RBFOX1: variants seen among roughly 807,000 people sequenced by gnomAD.
RBFOX1 encodes the protein RNA binding protein fox-1 homolog 1.
A neutral mutation model predicts 57.7 loss-of-function variants in RBFOX1; 8 were observed. That is an observed-to-expected ratio of 0.14 (90% CI 0.08 to 0.25). The LOEUF is 0.25. RBFOX1 is among the 10% of genes least tolerant of loss of function. The pLI, the probability that RBFOX1 is intolerant of heterozygous loss-of-function variation, is 1.00. For synonymous variants in RBFOX1, 326 were observed against 222.4 expected (o/e 1.47, Z -4.15); for missense variants, 611 against 548.5 (o/e 1.11, Z -1.14).
intron 3 of RBFOX1, among the ~76,000 whole-genome samples, chr16:5,846,168 T>G (rs1334464721): frequency 6.9e-6 from 1 of 145,462 alleles, no homozygotes; most frequent in African/African-American, 2.6e-5. Flanking sequence ...GGCGACAGAG[T>G]GAGGCACTGT....
At chr16:6,018,931 G>T (rs1207066393), upstream of RBFOX1, among the ~76,000 whole-genome samples, 1 of 151,820 alleles carries the variant, frequency 6.6e-6, no homozygotes, top group Non-Finnish European at 1.5e-5. Context: ...CGTGTCCGCC[G>T]CCGCCGCCCG....
intron 3 of RBFOX1, among the ~76,000 whole-genome samples, chr16:6,985,693 G>T (rs1312964909): frequency 6.6e-6 from 1 of 151,912 alleles, no homozygotes; most frequent in Non-Finnish European, 1.5e-5. Context: ...AATTAGCCAG[G>T]CATGGTGTCA....
At chr16:7,344,034 A>C (rs1163675059) in intron 4 of RBFOX1, among the ~76,000 whole-genome samples, 3 of 151,866 alleles carry the variant, frequency 2.0e-5, no homozygotes, top group Non-Finnish European at 2.9e-5. Context: ...TAGGGAAGCC[A>C]ATACCTTCTA....
intron 1 of RBFOX1, among the ~76,000 whole-genome samples, chr16:5,448,569 G>T (rs1567525620): frequency 6.6e-6 from 1 of 152,176 alleles, no homozygotes; most frequent in Non-Finnish European, 1.5e-5. Context: ...GGAGACTGGG[G>T]TGAAGACCCC....
At chr16:7,467,785 A>G (rs1404280465) in intron 4 of RBFOX1, among the ~76,000 whole-genome samples, 3 of 152,284 alleles carry the variant, frequency 2.0e-5, no homozygotes, top group African/African-American at 7.2e-5. Flanking sequence ...ATCTCTTTGG[A>G]AATTACTTTT....
At chr16:7,299,900 C>T (rs1231178044) in intron 4 of RBFOX1, among the ~76,000 whole-genome samples, 2 of 152,084 alleles carry the variant, frequency 1.3e-5, no homozygotes, top group Admixed American at 6.5e-5. Context: ...ATTATGTTTT[C>T]GACATAGGAT....
chr16:6,516,932 C>A (rs977189126), intron 2 of RBFOX1, among the ~76,000 whole-genome samples: 1 of 152,162 alleles, frequency 6.6e-6, no homozygotes, highest in Non-Finnish European at 1.5e-5. Flanking sequence ...GGAAAACTAA[C>A]CGCTTTCCTC....
intron 4 of RBFOX1, among the ~76,000 whole-genome samples, chr16:7,132,638 A>G (rs575562437): frequency 6.6e-6 from 1 of 152,248 alleles, no homozygotes; most frequent in East Asian, 1.9e-4. Flanking sequence ...ACAATGGAAT[A>G]GTATTCAGCC....
rs571885139 is a variant in RBFOX1, at chr16:6,906,379, C to G, written c.-15-145678C>G. Among the ~76,000 whole-genome samples, 17 of 152,078 alleles carry G rather than the reference C, an allele frequency of 1.1e-4. No homozygotes were observed. The South Asian group carries it at 2.3e-3, about 20-fold the overall frequency. On this transcript the variant is annotated intron_variant, in intron 3 of 15. Transcript: ENST00000550418. ...TGAAAACTCGGTAATAACACCGAAACTCATAAAAAATACAGGATAAACAAT... is the reference window on the plus strand; with the variant it reads ...TGAAAACTCGGTAATAACACCGAAAGTCATAAAAAATACAGGATAAACAAT...
intron 10 of RBFOX1, among the ~76,000 whole-genome samples, chr16:7,618,303 G>A (rs930490940): frequency 6.6e-6 from 1 of 152,154 alleles, no homozygotes; most frequent in Admixed American, 6.5e-5. Context: ...TATTCACACT[G>A]AGTAACAGTC....
At chr16:7,626,172 C>A (rs1280004372) in intron 10 of RBFOX1, among the ~76,000 whole-genome samples, 3 of 152,208 alleles carry the variant, frequency 2.0e-5, no homozygotes, top group Non-Finnish European at 4.4e-5. Flanking sequence ...CACTGCTGTT[C>A]CGGTTTGAGT....
At chr16:5,647,391 A>G (rs1567343054) in intron 3 of RBFOX1, among the ~76,000 whole-genome samples, 1 of 152,130 alleles carries the variant, frequency 6.6e-6, no homozygotes, top group Non-Finnish European at 1.5e-5. Context: ...TGTGCCTGCA[A>G]TTTATTGCCA....
intron 3 of RBFOX1, among the ~76,000 whole-genome samples, chr16:7,037,769 A>G (rs894735133): frequency 2.6e-5 from 4 of 152,134 alleles, no homozygotes; most frequent in African/African-American, 9.7e-5. Flanking sequence ...TTGAGCTTTG[A>G]ACCTTGGAAG....
intron 5 of RBFOX1, among the ~76,000 whole-genome samples, chr16:7,574,537 A>G (rs1237466995): frequency 3.9e-5 from 6 of 152,144 alleles, no homozygotes; most frequent in Admixed American, 1.3e-4. Context: ...TTGGAGTCCC[A>G]TGTTCGAGGG....
At chr16:5,755,762 C>T (rs1054095777) in intron 3 of RBFOX1, among the ~76,000 whole-genome samples, 5 of 152,244 alleles carry the variant, frequency 3.3e-5, no homozygotes, top group South Asian at 2.1e-4. Flanking sequence ...CCATGCGCAG[C>T]TAATTTTTTG....
chr16:6,830,842 A>G (rs1236098276), intron 3 of RBFOX1, among the ~76,000 whole-genome samples: 1 of 152,162 alleles, frequency 6.6e-6, no homozygotes, highest in East Asian at 1.9e-4. Context: ...CAATATCTGA[A>G]TCACTCATAA....
chr16:7,144,958 C>A (rs536690642), intron 4 of RBFOX1, among the ~76,000 whole-genome samples: 2 of 152,240 alleles, frequency 1.3e-5, no homozygotes, highest in East Asian at 3.9e-4. Flanking sequence ...CTCCCCCTCC[C>A]CCAGTGGAGT....
At chr16:5,698,099 G>A (rs925309578) in intron 3 of RBFOX1, among the ~76,000 whole-genome samples, 1 of 152,094 alleles carries the variant, frequency 6.6e-6, no homozygotes, top group African/African-American at 2.4e-5. Context: ...TTATCATGAT[G>A]TATTATTATT....
At chr16:5,307,782 T>C (rs1461144810) in intron 1 of RBFOX1, among the ~76,000 whole-genome samples, 1 of 152,090 alleles carries the variant, frequency 6.6e-6, no homozygotes, top group Non-Finnish European at 1.5e-5. Flanking sequence ...TAAGCAATCC[T>C]CCCACCTCAG....
Sources: gnomAD v4.1 joint callset for allele counts (sites outside exome capture counted in the v4.1 genomes callset) on GRCh38, gnomAD v4.1.1 for gene constraint, MANE v1.5 for transcripts, NCBI Gene and HGNC (gene_info 2026-07-23, HGNC 2026-07-21) for gene names.